Variants in PIK3C2G observed in about 807,000 individuals in gnomAD.
PIK3C2G encodes phosphatidylinositol 3-kinase C2 domain-containing subunit gamma.
A neutral mutation model predicts 181.1 loss-of-function variants in PIK3C2G; 168 were observed. The ratio of observed to expected loss-of-function variants is 0.93; its 90% CI spans 0.82 to 1.05. The LOEUF (loss-of-function observed/expected upper bound fraction) is 1.05, where lower values mean the gene tolerates loss of function less well. PIK3C2G is among the 50% of genes least tolerant of loss of function. PIK3C2G has a pLI of 0.00. For synonymous variants in PIK3C2G, 573 were observed against 592.2 expected (o/e 0.97, Z 0.47); for missense variants, 1,869 against 1,732.8 (o/e 1.08, Z -1.40).
chr12:18,673,726 C>T, the PIK3C2G span, among the ~76,000 whole-genome samples: 6 of 152,178 alleles, frequency 3.9e-5, no homozygotes, highest in Admixed American at 3.9e-4. Flanking sequence ...TCTGCAGTCT[C>T]ATCTGACTTC....
Position 18,619,825 on chromosome 12 carries a change from C to T in PIK3C2G, c.4182+10196C>T, listed in dbSNP as rs564395775. ...CTGCAAGCTCCGCCTCCCGGGTTCA[C>T]GCCATTCTTCTGCCTCAGCCTCCCG... On this transcript the variant is annotated intron_variant, in intron 31 of 32. Coordinates refer to ENST00000538779, the MANE Select transcript of PIK3C2G (RefSeq NM_001288772.2). 5.7e-3 allele frequency among the ~76,000 whole-genome samples: 862 copies of T among 151,412 alleles called. 2 individuals carry two copies. The highest frequency in any genetic ancestry group is 0.01 in the Middle Eastern group (3 of 292).
chr12:18,296,204 A>G (rs1234007221), intron 5 of PIK3C2G, among the ~76,000 whole-genome samples: 1 of 152,158 alleles, frequency 6.6e-6, no homozygotes, highest in Non-Finnish European at 1.5e-5. Flanking sequence ...ATCCTGAAAA[A>G]GGGGAAATGT....
intron 11 of PIK3C2G, chr12:18,358,657 T>C: frequency 2.0e-6 from 1 of 496,374 alleles, no homozygotes; most frequent in Non-Finnish European, 4.1e-6. Context: ...GTCAGCATCA[T>C]CAAAATCATC....
In PIK3C2G at chr12:18,282,027, TTATCAAGGAGA is replaced by T. The variant is rs1271840992; in HGVS notation, c.-51_-41del. On this transcript the variant is annotated 5_prime_UTR_variant, in exon 2 of 33. An upstream open reading frame in the 5' UTR loses its in-frame stop. Transcript: ENST00000538779. ...AGGAAAATTTCTATCTTCTTTTGTATTATCAAGGAGATATTTGGAGCAGAGTCAACCCTCTC... is the reference window on the plus strand; with the variant it reads ...AGGAAAATTTCTATCTTCTTTTGTATTATTTGGAGCAGAGTCAACCCTCTC... 4.0e-6 allele frequency: 4 copies of T among 988,218 alleles called. No homozygotes were observed. In the East Asian group the frequency reaches 1.0e-4, roughly 26 times the overall value. The allele number at this position is 988,218 out of a possible 1,614,324, so 61.2% of individuals were successfully genotyped here.
chr12:18,292,876 G>A (rs1329923196), intron 4 of PIK3C2G, among the ~76,000 whole-genome samples: 2 of 152,136 alleles, frequency 1.3e-5, no homozygotes, highest in Non-Finnish European at 2.9e-5. Flanking sequence ...ACCAACTGTG[G>A]AGACTTACAG....
intron 11 of PIK3C2G, among the ~76,000 whole-genome samples, chr12:18,359,403 T>A (rs1941037146): frequency 6.6e-6 from 1 of 152,232 alleles, no homozygotes; most frequent in Admixed American, 6.5e-5. Flanking sequence ...AGAATATGTA[T>A]TCTGCTCCTG....
chr12:18,297,562 T>A (rs1401264423), intron 5 of PIK3C2G, among the ~76,000 whole-genome samples: 1 of 152,022 alleles, frequency 6.6e-6, no homozygotes, highest in Non-Finnish European at 1.5e-5. Context: ...TCTTCTAGTT[T>A]TTTTGAATAT....
At chr12:18,602,527 C>T (rs1947790547) in intron 30 of PIK3C2G, among the ~76,000 whole-genome samples, 1 of 151,118 alleles carries the variant, frequency 6.6e-6, no homozygotes, top group South Asian at 2.1e-4. Flanking sequence ...CACATTACTA[C>T]AGCTGATGCT....
At chr12:18,653,956 G>A in the PIK3C2G span, among the ~76,000 whole-genome samples, 8 of 151,990 alleles carry the variant, frequency 5.3e-5, no homozygotes, top group Non-Finnish European at 1.0e-4. Context: ...CCATGATTCC[G>A]ATTTACCCCA....
At chr12:18,490,626 G>A (rs1477484865) in intron 19 of PIK3C2G, among the ~76,000 whole-genome samples, 4 of 152,258 alleles carry the variant, frequency 2.6e-5, no homozygotes, top group Non-Finnish European at 5.9e-5. Flanking sequence ...GTGAGAACAT[G>A]TGATATTTGT....
chr12:18,557,066 A>G (rs1467343990), intron 26 of PIK3C2G, among the ~76,000 whole-genome samples: 2 of 152,142 alleles, frequency 1.3e-5, no homozygotes, highest in African/African-American at 4.8e-5. Context: ...GCCAACCCAG[A>G]AAAGTCATAC....
chr12:18,269,627 C>T (rs1269865183), intron 1 of PIK3C2G, among the ~76,000 whole-genome samples: 1 of 152,184 alleles, frequency 6.6e-6, no homozygotes, highest in Non-Finnish European at 1.5e-5. Context: ...CTGCTACTTA[C>T]TTCCATTCAC....
chr12:18,498,600 T>C (rs1941195908), intron 22 of PIK3C2G, among the ~76,000 whole-genome samples: 1 of 151,564 alleles, frequency 6.6e-6, no homozygotes, highest in African/African-American at 2.4e-5. Context: ...AGAGCTACAA[T>C]TTAAACCTGT....
At chr12:18,546,503 G>A in intron 26 of PIK3C2G, 71 bp downstream of exon 26, 2 of 844,364 alleles carry the variant, frequency 2.4e-6, no homozygotes, top group South Asian at 3.0e-5. Context: ...CAGTGGAGAT[G>A]ATTTCAGGTT....
At chr12:18,358,468 A>G (rs1229922201) in intron 11 of PIK3C2G, 1 of 241,800 alleles carries the variant, frequency 4.1e-6, no homozygotes, top group African/African-American at 2.3e-5. Flanking sequence ...GTATCAAGGA[A>G]AACAGGTTAG....
the PIK3C2G span, among the ~76,000 whole-genome samples, chr12:18,697,646 C>A: frequency 5.9e-5 from 9 of 152,220 alleles, no homozygotes; most frequent in South Asian, 4.1e-4. Flanking sequence ...CAACTGATAA[C>A]CACTGATAAC....
intron 5 of PIK3C2G, among the ~76,000 whole-genome samples, chr12:18,296,164 T>C (rs1949932355): frequency 6.6e-6 from 1 of 152,132 alleles, no homozygotes; most frequent in African/African-American, 2.4e-5. Context: ...AGACCCTATA[T>C]TTCTCAGGGT....
chr12:18,638,859 G>A (rs994165281), intron 31 of PIK3C2G, among the ~76,000 whole-genome samples: 1 of 151,262 alleles, frequency 6.6e-6, no homozygotes, highest in African/African-American at 2.4e-5. Flanking sequence ...GCAGTATCTA[G>A]GGATTATAGG....
intron 30 of PIK3C2G, among the ~76,000 whole-genome samples, chr12:18,596,258 A>G (rs1183802792): frequency 6.6e-6 from 1 of 152,116 alleles, no homozygotes; most frequent in Non-Finnish European, 1.5e-5. Flanking sequence ...GTTCTGGCAC[A>G]AGAAATTCAG....
Sources: gnomAD v4.1 joint callset for allele counts (sites outside exome capture counted in the v4.1 genomes callset) on GRCh38, gnomAD v4.1.1 for gene constraint, MANE v1.5 for transcripts, NCBI Gene and HGNC (gene_info 2026-07-23, HGNC 2026-07-21) for gene names.